PIP5K1C: variants seen among roughly 807,000 people sequenced by gnomAD.
The protein encoded by PIP5K1C is phosphatidylinositol-4-phosphate 5-kinase type 1 gamma.
Under a neutral mutation model 80.1 loss-of-function variants are expected in PIP5K1C, and 45 were observed. The observed-to-expected ratio is 0.56, with a 90% CI of 0.44 to 0.72. PIP5K1C has a LOEUF of 0.72. PIP5K1C is among the 30% of genes least tolerant of loss of function. The pLI is 0.00. For missense variants in PIP5K1C, 753 were observed against 954.6 expected (o/e 0.79, Z 2.78); for synonymous variants, 498 against 420.1 (o/e 1.19, Z -2.27).
At chr19:3,643,677 A>AC (rs1409434155) in intron 12 of PIP5K1C, among the ~76,000 whole-genome samples, 2 of 52,042 alleles carry the variant, frequency 3.8e-5, no homozygotes, top group African/African-American at 7.1e-5. Flanking sequence ...TCCCCTCCCC[A>AC]CCCCCCCTCC....
intron 1 of PIP5K1C, among the ~76,000 whole-genome samples, chr19:3,698,022 A>T (rs558264971): frequency 4.3e-4 from 66 of 152,348 alleles, no homozygotes; most frequent in African/African-American, 1.6e-3. Context: ...GCCAAGGACG[A>T]TGACACTGGG....
chr19:3,636,156 C>CA (rs1283800619), intron 16 of PIP5K1C, among the ~76,000 whole-genome samples: 3 of 151,864 alleles, frequency 2.0e-5, no homozygotes, highest in African/African-American at 7.3e-5. Flanking sequence ...GACTCCGTCT[C>CA]AAAAAATGAA....
rs1368269741 is a variant in PIP5K1C, at chr19:3,687,963, C to T, written c.94+12334G>A. On this transcript the variant is annotated intron_variant, in intron 1 of 17. Coordinates refer to ENST00000335312, the MANE Select transcript of PIP5K1C (RefSeq NM_012398.3). ...CCAATGTCCAGGGAGAAAGAGGCTC[C>T]ACTCTCAGCACCAAGCTCCCGGGCG... Among the ~76,000 whole-genome samples the T allele has an allele frequency of 2.6e-5, 4 of 152,340 alleles. No individual in the cohort carries two copies. In the East Asian group the frequency reaches 7.7e-4, roughly 29 times the overall value.
rs1268797751 is a variant in PIP5K1C, at chr19:3,648,018, A to G, written c.1211+607T>C. 6.6e-6 allele frequency among the ~76,000 whole-genome samples: 1 copy of G among 151,394 alleles called. No individual in the cohort carries two copies. Among genetic ancestry groups the G allele is most frequent in the Admixed American group, 6.6e-5 (1 of 15,214 alleles). The stretch of plus-strand genomic sequence containing the variant: ...GTGAGGCCTCAAACCCACTCCTTGG[A>G]TTTTCTTTTTTCTTTTTTTTTGGGA... On this transcript the variant is annotated intron_variant, in intron 9 of 17. Transcript: ENST00000335312. This position sits in a 1 kb window ranked among gnomAD's most constrained non-coding sequence, Gnocchi z 4.3.
Position 3,648,502 on chromosome 19 carries a change from A to AGGCGCCCACCTGTGGGGCTGCAGACCCG in PIP5K1C, c.1211+95_1211+122dup, listed in dbSNP as rs142616569. 164 of 851,594 alleles carry AGGCGCCCACCTGTGGGGCTGCAGACCCG rather than the reference A, an allele frequency of 1.9e-4. No homozygotes were observed. The highest frequency in any genetic ancestry group is 1.8e-3 in the East Asian group (67 of 37,108). The allele number at this position is 851,594 out of a possible 1,614,324, so 52.8% of individuals were successfully genotyped here. ...CATCCACCTGTGGGACTGCAGACCC[A>AGGCGCCCACCTGTGGGGCTGCAGACCCG]GGCGCCCACCTGTGGGGCTGCAGAC... is the stretch of plus-strand genomic sequence containing the variant. On this transcript the variant is annotated intron_variant, in intron 9 of 17. Coordinates refer to ENST00000335312, the MANE Select transcript of PIP5K1C (RefSeq NM_012398.3). The surrounding 1 kb of genome is among the most constrained non-coding windows in gnomAD (Gnocchi z 4.3).
intron 3 of PIP5K1C, 85 bp downstream of exon 3, chr19:3,664,737 T>A: frequency 8.7e-7 from 1 of 1,147,414 alleles, no homozygotes; most frequent in South Asian, 1.2e-5. Context: ...TCGGGGGCGA[T>A]AGGCCCCATC....
rs979785973 is a variant in PIP5K1C at position 3,695,527 on chromosome 19, T to C, written c.94+4770A>G. On this transcript the variant is annotated intron_variant, in intron 1 of 17. Coordinates refer to ENST00000335312, the MANE Select transcript of PIP5K1C (RefSeq NM_012398.3). ...CTGCACATCCCCGGCTGGCATGCAATGGCGCTGGGTGTGAACCCAGGAGGG... is the reference window on the plus strand; with the variant it reads ...CTGCACATCCCCGGCTGGCATGCAACGGCGCTGGGTGTGAACCCAGGAGGG... 6.6e-5 allele frequency among the ~76,000 whole-genome samples: 10 copies of C among 152,298 alleles called. No homozygotes were observed. In the South Asian group the frequency reaches 1.7e-3, roughly 25 times the overall value.
intron 16 of PIP5K1C, among the ~76,000 whole-genome samples, chr19:3,633,828 C>T (rs1411897457): frequency 6.6e-6 from 1 of 152,026 alleles, no homozygotes; most frequent in Non-Finnish European, 1.5e-5. Context: ...GGGGTCGCGA[C>T]CTGGAGCACC....
rs961379972 is a variant in PIP5K1C, at chr19:3,648,197, A to T, written c.1211+428T>A. Among the ~76,000 whole-genome samples the T allele has an allele frequency of 6.6e-6, 1 of 151,658 alleles. No individual in the cohort carries two copies. Among genetic ancestry groups the T allele is most frequent in the Non-Finnish European group, 1.5e-5 (1 of 67,918 alleles). ...ACCACCACGCTCAGCTAATTTTTTGATATTTTGTAGAGATGGGGTCTTGCT... is the reference window on the plus strand; with the variant it reads ...ACCACCACGCTCAGCTAATTTTTTGTTATTTTGTAGAGATGGGGTCTTGCT... On this transcript the variant is annotated intron_variant, in intron 9 of 17. Transcript: ENST00000335312. The surrounding 1 kb of genome is among the most constrained non-coding windows in gnomAD (Gnocchi z 4.3).
chr19:3,677,725 AG>A (rs1555727417), intron 1 of PIP5K1C, among the ~76,000 whole-genome samples: 1 of 125,898 alleles, frequency 7.9e-6, no homozygotes, highest in African/African-American at 3.1e-5. Flanking sequence ...GGTGGGATGG[AG>A]GGATGGAAGG....
chr19:3,651,850 C>T lies in PIP5K1C; in HGVS notation c.1103G>A (p.Gly368Glu). Residue 368 changes from glycine to glutamate, a missense_variant, in exon 8 of 18, where the codon GGG becomes GAG. Physicochemically the swap from Gly to Glu is moderately conservative, Grantham distance 98. Transcript: ENST00000335312. ...CGTGTCATCCGATTCGATGGCCTCC[C>T]CGCGCGCGGCGCCACCCTGGATGGA... ...MESIQGGAAR[G>E]EAIESDDTMG... The T allele has an allele frequency of 1.2e-6, 2 of 1,612,280 alleles. No homozygotes were observed. Among genetic ancestry groups the T allele is most frequent in the Non-Finnish European group, 1.7e-6 (2 of 1,179,856 alleles).
chr19:3,650,078 CCCCCCCG>C (rs1568323392), intron 8 of PIP5K1C: 13 of 152,768 alleles, frequency 8.5e-5, no homozygotes, highest in African/African-American at 2.8e-5. Flanking sequence ...GGCTCCCGCA[CCCCCCCG>C]CAGCTACACC....
In PIP5K1C at chr19:3,653,425, G is replaced by T; in HGVS notation, c.786C>A (p.Arg262=). 4 of 1,613,460 alleles carry T rather than the reference G, an allele frequency of 2.5e-6. No individual in the cohort carries two copies. The highest frequency in any genetic ancestry group is 3.4e-6 in the Non-Finnish European group (4 of 1,180,036). ...FDLKGSTYKR[R]ASKKEKEKSF... ...TCTTCTCCTTCTCCTTCTTGCTGGC[G>T]CGCCGCTTGTAGGTGGAGCCCTTGA... Residue 262 remains arginine (R), a synonymous_variant, in exon 7 of 18, where the codon CGC becomes CGA. Coordinates refer to ENST00000335312, the MANE Select transcript of PIP5K1C (RefSeq NM_012398.3).
intron 1 of PIP5K1C, among the ~76,000 whole-genome samples, chr19:3,680,600 A>T (rs547587043): frequency 2.0e-5 from 3 of 152,292 alleles, no homozygotes; most frequent in African/African-American, 7.2e-5. Context: ...CCGCGCCCGG[A>T]CTGTCTAAAT....
chr19:3,643,439 C>T (rs1397845394), intron 12 of PIP5K1C, 58 bp from the exon 13 acceptor site: 5 of 1,603,980 alleles, frequency 3.1e-6, no homozygotes, highest in Non-Finnish European at 4.3e-6. Context: ...AACACACAGT[C>T]GATTCTCCCT....
rs1250411870 is a variant in PIP5K1C, at chr19:3,688,337, T to C, written c.94+11960A>G. ...GGCCGTGGTGGGAAACAGAGCGGGG[T>C]GCCGCAGGGGAGCCCGCAGGAGCTC... On this transcript the variant is annotated intron_variant, in intron 1 of 17. Transcript: ENST00000335312. This position sits in a 1 kb window ranked among gnomAD's most constrained non-coding sequence, Gnocchi z 5.3. Among the ~76,000 whole-genome samples the C allele has an allele frequency of 6.6e-6, 1 of 151,812 alleles. No homozygotes were observed. Among genetic ancestry groups the C allele is most frequent in the Non-Finnish European group, 1.5e-5 (1 of 67,926 alleles).
intron 10 of PIP5K1C, 119 bp from the exon 11 acceptor site, chr19:3,646,177 G>A: frequency 1.4e-6 from 1 of 711,452 alleles, no homozygotes. Context: ...AAAGGCTCGA[G>A]ATGGGTCCAT....
At chr19:3,695,221 C>A (rs2036065515) in intron 1 of PIP5K1C, among the ~76,000 whole-genome samples, 1 of 152,218 alleles carries the variant, frequency 6.6e-6, no homozygotes, top group African/African-American at 2.4e-5. Context: ...AGGTGCTCAA[C>A]AAAGGTCTGG....
chr19:3,687,769 C>T (rs1049196463), intron 1 of PIP5K1C, among the ~76,000 whole-genome samples: 4 of 152,046 alleles, frequency 2.6e-5, no homozygotes, highest in East Asian at 1.9e-4. Flanking sequence ...TCTTCCTTGC[C>T]CCTTCTCCCT....
Sources: gnomAD v4.1 joint callset for allele counts (sites outside exome capture counted in the v4.1 genomes callset) on GRCh38, gnomAD v4.1.1 for gene constraint, Gnocchi (gnomAD v3.1) non-coding constraint, MANE v1.5 for transcripts, NCBI Gene and HGNC (gene_info 2026-07-23, HGNC 2026-07-21) for gene names.